FAM83B: variants seen among roughly 807,000 people sequenced by gnomAD.
FAM83B encodes scaffolding CK1 anchoring protein B.
Under a neutral mutation model 38.8 loss-of-function variants are expected in FAM83B, and 26 were observed. The observed-to-expected ratio is 0.67, with a 90% CI of 0.49 to 0.93. The LOEUF (loss-of-function observed/expected upper bound fraction) is 0.93, where lower values mean the gene tolerates loss of function less well. Among genes scored for constraint, FAM83B ranks in the 40% least tolerant of loss-of-function variants. The pLI, the probability that FAM83B is intolerant of heterozygous loss-of-function variation, is 0.00. For synonymous variants in FAM83B, 419 were observed against 423.1 expected, an observed-to-expected ratio of 0.99 and a Z score of 0.12; for missense variants, 1,237 against 1,197.3, an observed-to-expected ratio of 1.03 and a Z score of -0.49.
Position 54,941,918 on chromosome 6 carries a change from A to G in FAM83B, c.2947A>G (p.Thr983Ala). 6.2e-7 allele frequency: 1 copy of G among 1,614,044 alleles called. No individual in the cohort carries two copies. Among genetic ancestry groups the G allele is most frequent in the Non-Finnish European group, 8.5e-7 (1 of 1,179,974 alleles). ...GTCTAGTCCATTGCTTAATTACAAC[A>G]CTGGTGTTTATCGCTCATATCAACC... is the stretch of plus-strand genomic sequence containing the variant. ...GRSSPLLNYN[T>A]GVYRSYQPNE... Residue 983 changes from threonine (T) to alanine (A), a missense_variant, in exon 5 of 5, where the codon ACT becomes GCT. Coordinates refer to ENST00000306858, the MANE Select transcript of FAM83B (RefSeq NM_001010872.3).
At chr6:54,933,956 G>C (rs530273743) in intron 4 of FAM83B, among the ~76,000 whole-genome samples, 2 of 152,088 alleles carry the variant, frequency 1.3e-5, no homozygotes, top group Non-Finnish European at 2.9e-5. Flanking sequence ...TGTACCATAT[G>C]GGGGAGGAAT....
At chr6:54,876,134 A>G (rs977065446) in intron 2 of FAM83B, among the ~76,000 whole-genome samples, 1 of 151,904 alleles carries the variant, frequency 6.6e-6, no homozygotes, top group Non-Finnish European at 1.5e-5. Context: ...GACAACTGAG[A>G]AAAGAATTTA....
At chr6:54,909,363 C>T (rs1772852037) in intron 2 of FAM83B, among the ~76,000 whole-genome samples, 1 of 152,128 alleles carries the variant, frequency 6.6e-6, no homozygotes, top group Non-Finnish European at 1.5e-5. Flanking sequence ...CAGATGAAAA[C>T]TATTAGTTTG....
intron 2 of FAM83B, among the ~76,000 whole-genome samples, chr6:54,872,476 C>T (rs1172124950): frequency 2.0e-5 from 3 of 152,090 alleles, no homozygotes; most frequent in Non-Finnish European, 4.4e-5. Context: ...AATTGAAATC[C>T]ATTTTTGAAA....
At chr6:54,886,621 G>A (rs574950417) in intron 2 of FAM83B, among the ~76,000 whole-genome samples, 1 of 151,956 alleles carries the variant, frequency 6.6e-6, no homozygotes, top group Admixed American at 6.5e-5. Flanking sequence ...TTGTGATGAT[G>A]TTATCTTTTC....
At chr6:54,853,226 A>G (rs1215119630) in intron 1 of FAM83B, among the ~76,000 whole-genome samples, 2 of 152,240 alleles carry the variant, frequency 1.3e-5, no homozygotes, top group East Asian at 3.8e-4. Context: ...GTAAATGTGC[A>G]AAGTGAAGCA....
chr6:54,898,837 C>T (rs1772594457), intron 2 of FAM83B, among the ~76,000 whole-genome samples: 1 of 152,120 alleles, frequency 6.6e-6, no homozygotes, highest in African/African-American at 2.4e-5. Flanking sequence ...TGATCTTTTG[C>T]TTGGACTGTT....
At chr6:54,920,886 G>A (rs906969711) in intron 2 of FAM83B, among the ~76,000 whole-genome samples, 6 of 151,810 alleles carry the variant, frequency 4.0e-5, no homozygotes, top group African/African-American at 1.4e-4. Flanking sequence ...CTCTTTTCTA[G>A]CACTTATATT....
chr6:54,934,626 C>T (rs1207296168), intron 4 of FAM83B, among the ~76,000 whole-genome samples: 2 of 152,070 alleles, frequency 1.3e-5, no homozygotes, highest in African/African-American at 2.4e-5. Flanking sequence ...TTTAGCTCAC[C>T]TTTATCCCAG....
intron 1 of FAM83B, among the ~76,000 whole-genome samples, chr6:54,851,634 G>A (rs973017777): frequency 4.1e-5 from 6 of 145,882 alleles, no homozygotes; most frequent in East Asian, 4.0e-4. Context: ...TACCATGCCC[G>A]GCTAATTTTT....
At chr6:54,936,068 C>T (rs1205179189) in intron 4 of FAM83B, among the ~76,000 whole-genome samples, 2 of 151,968 alleles carry the variant, frequency 1.3e-5, no homozygotes, top group African/African-American at 2.4e-5. Flanking sequence ...ATACGGACTT[C>T]GGACTTCATA....
At chr6:54,923,066 G>A (rs1489299364) in intron 2 of FAM83B, among the ~76,000 whole-genome samples, 1 of 151,946 alleles carries the variant, frequency 6.6e-6, no homozygotes, top group Non-Finnish European at 1.5e-5. Context: ...AATAGTATAT[G>A]GAGCCCTTAT....
At chr6:54,855,782 A>G (rs1183660932) in intron 1 of FAM83B, among the ~76,000 whole-genome samples, 1 of 152,204 alleles carries the variant, frequency 6.6e-6, no homozygotes, top group Non-Finnish European at 1.5e-5. Flanking sequence ...GAGCCCTTGA[A>G]ATCCTAAGTA....
intron 2 of FAM83B, among the ~76,000 whole-genome samples, chr6:54,902,048 T>A (rs893636693): frequency 6.6e-6 from 1 of 152,150 alleles, no homozygotes; most frequent in African/African-American, 2.4e-5. Flanking sequence ...TAACTCATAA[T>A]GAAGGGATTG....
chr6:54,890,586 T>G (rs1369756976), intron 2 of FAM83B, among the ~76,000 whole-genome samples: 1 of 152,106 alleles, frequency 6.6e-6, no homozygotes, highest in Non-Finnish European at 1.5e-5. Context: ...GACCAAAGAA[T>G]GCACTCATCA....
intron 2 of FAM83B, among the ~76,000 whole-genome samples, chr6:54,911,580 T>C (rs1193193607): frequency 6.6e-6 from 1 of 152,122 alleles, no homozygotes; most frequent in Non-Finnish European, 1.5e-5. Flanking sequence ...CTTCTTAGCA[T>C]ATGGCTTTTT....
At chr6:54,925,993 A>T (rs1773279090) in intron 2 of FAM83B, among the ~76,000 whole-genome samples, 1 of 152,132 alleles carries the variant, frequency 6.6e-6, no homozygotes, top group African/African-American at 2.4e-5. Context: ...GGTTCAAAAA[A>T]ATCCTACTTT....
chr6:54,939,699 TCCCCAG>T lies in FAM83B; in HGVS notation c.735-6_735-1del. ...AATGATTAAAATTTTTCCATTTTTT[TCCCCAG>T]TTATATGTGGTCATTTGAGAAAGCT... On this transcript the variant is annotated splice_acceptor_variant and splice_polypyrimidine_tract_variant and intron_variant, in intron 4 of 4. Coordinates refer to ENST00000306858, the MANE Select transcript of FAM83B (RefSeq NM_001010872.3). LOFTEE classifies it high-confidence loss of function. The T allele has an allele frequency of 6.4e-7, 1 of 1,551,562 alleles. No individual in the cohort carries two copies. Among genetic ancestry groups the T allele is most frequent in the Non-Finnish European group, 8.7e-7 (1 of 1,153,634 alleles).
At chr6:54,895,059 G>A (rs1348872638) in intron 2 of FAM83B, among the ~76,000 whole-genome samples, 1 of 152,190 alleles carries the variant, frequency 6.6e-6, no homozygotes, top group Non-Finnish European at 1.5e-5. Context: ...GTCAGCAGCT[G>A]AATCCAAGAC....
Sources: gnomAD v4.1 joint callset for allele counts (sites outside exome capture counted in the v4.1 genomes callset) on GRCh38, gnomAD v4.1.1 for gene constraint, MANE v1.5 for transcripts, NCBI Gene and HGNC (gene_info 2026-07-23, HGNC 2026-07-21) for gene names.